The following INO80 variants were observed in gnomAD, a reference collection of about 807,000 sequenced individuals.
INO80 encodes the protein chromatin-remodeling ATPase INO80.
In INO80, 20 loss-of-function variants were observed where a neutral mutation model predicts 203.4. That is an observed-to-expected ratio of 0.10 (90% CI 0.07 to 0.14). INO80 has a LOEUF of 0.14. INO80 is among the 10% of genes least tolerant of loss of function. The probability of loss-of-function intolerance (pLI) is 1.00; values close to 1 mark genes in which losing one functional copy is unlikely to be tolerated. For synonymous variants in INO80, 726 were observed against 685.2 expected, an observed-to-expected ratio of 1.06 and a Z score of -0.93; for missense variants, 1,419 against 1,914.4, an observed-to-expected ratio of 0.74 and a Z score of 4.83.
chr15:41,001,719 T>C (rs1390928301), intron 28 of INO80, among the ~76,000 whole-genome samples: 1 of 152,234 alleles, frequency 6.6e-6, no homozygotes, highest in African/African-American at 2.4e-5. Context: ...GTCTTTAGTC[T>C]CAGTCAGACT....
intron 17 of INO80, among the ~76,000 whole-genome samples, chr15:41,056,078 A>G (rs993422659): frequency 4.0e-5 from 6 of 151,618 alleles, no homozygotes; most frequent in Middle Eastern, 3.2e-3. Flanking sequence ...TAAGTAGCTA[A>G]GACTACAGGC....
At chr15:41,054,338 T>C (rs1208377989) in intron 18 of INO80, among the ~76,000 whole-genome samples, 1 of 152,204 alleles carries the variant, frequency 6.6e-6, no homozygotes, top group Non-Finnish European at 1.5e-5. Flanking sequence ...AAAAATTACC[T>C]TCCAAAGGAT....
At chr15:40,985,735 C>A (rs2043723341) in intron 31 of INO80, among the ~76,000 whole-genome samples, 1 of 152,032 alleles carries the variant, frequency 6.6e-6, no homozygotes, top group South Asian at 2.1e-4. Flanking sequence ...CATAGTGAAA[C>A]CCCATCTCTA....
intron 16 of INO80, among the ~76,000 whole-genome samples, chr15:41,058,238 G>A (rs1022115417): frequency 1.3e-5 from 2 of 152,278 alleles, no homozygotes; most frequent in Non-Finnish European, 2.9e-5. Flanking sequence ...TGAACAGGGA[G>A]ATAAAAGTTG....
chr15:41,073,711 C>T (rs1404904884), intron 10 of INO80, among the ~76,000 whole-genome samples: 3 of 152,088 alleles, frequency 2.0e-5, no homozygotes, highest in African/African-American at 7.2e-5. Flanking sequence ...CCAAAGCAAG[C>T]TCACAAAAAA....
chr15:41,099,899 G>C (rs1335832013), intron 1 of INO80, among the ~76,000 whole-genome samples: 1 of 152,018 alleles, frequency 6.6e-6, no homozygotes, highest in Non-Finnish European at 1.5e-5. Flanking sequence ...TAAGAGAACA[G>C]CAAATAATTC....
chr15:41,074,787 T>C (rs1014782129), intron 9 of INO80, among the ~76,000 whole-genome samples: 2 of 152,214 alleles, frequency 1.3e-5, no homozygotes, highest in African/African-American at 2.4e-5. Flanking sequence ...GCTGGTCGCA[T>C]GGGCTGGAGT....
intron 24 of INO80, among the ~76,000 whole-genome samples, chr15:41,037,325 T>C (rs925302085): frequency 2.0e-5 from 3 of 151,662 alleles, no homozygotes; most frequent in African/African-American, 7.3e-5. Flanking sequence ...CTGGCTAACA[T>C]GGTGAAACCC....
At chr15:41,103,999 T>C (rs935237457) in intron 1 of INO80, among the ~76,000 whole-genome samples, 1 of 151,894 alleles carries the variant, frequency 6.6e-6, no homozygotes, top group Non-Finnish European at 1.5e-5. Context: ...GCTGATCACC[T>C]GAGGTCAGGA....
chr15:41,092,229 C>A, intron 4 of INO80, 47 bp from the exon 5 acceptor site: 1 of 1,475,348 alleles, frequency 6.8e-7, no homozygotes, highest in East Asian at 2.3e-5. Flanking sequence ...TGAAGCAATC[C>A]CATTTATAAT....
At chr15:41,049,255 C>A (rs1315080031) in intron 21 of INO80, 32 bp downstream of exon 21, 20 of 1,579,750 alleles carry the variant, frequency 1.3e-5, no homozygotes, top group Non-Finnish European at 1.7e-5. Flanking sequence ...TTATAAAACA[C>A]TAATAGTGAA....
At chr15:41,098,769 T>C (rs2045761944) in intron 1 of INO80, among the ~76,000 whole-genome samples, 1 of 152,174 alleles carries the variant, frequency 6.6e-6, no homozygotes, top group Admixed American at 6.5e-5. Flanking sequence ...ACACAGTTGT[T>C]TGTCAGTGTG....
intron 11 of INO80, among the ~76,000 whole-genome samples, chr15:41,072,926 G>C (rs146928306): frequency 1.3e-5 from 2 of 151,536 alleles, no homozygotes; most frequent in Admixed American, 1.3e-4. Context: ...GACTACAAGC[G>C]CCCTCCGCCA....
At chr15:41,008,252 C>T (rs1424955703) in intron 27 of INO80, among the ~76,000 whole-genome samples, 1 of 138,818 alleles carries the variant, frequency 7.2e-6, no homozygotes, top group South Asian at 2.4e-4. Flanking sequence ...CACACACACA[C>T]ACGAATATTA....
chr15:41,080,247 A>C (rs1228522370), intron 8 of INO80, among the ~76,000 whole-genome samples: 1 of 152,198 alleles, frequency 6.6e-6, no homozygotes, highest in Non-Finnish European at 1.5e-5. Context: ...CCACTGAAAA[A>C]TATATTAAAC....
chr15:41,085,347 T>C (rs775983310), intron 7 of INO80, 22 bp downstream of exon 7: 10 of 1,599,148 alleles, frequency 6.3e-6, no homozygotes, highest in Non-Finnish European at 8.6e-6. Flanking sequence ...CTAATTTCCA[T>C]CTCCTGGAGG....
chr15:41,096,148 G>T lies in INO80; in HGVS notation c.143+20C>A, dbSNP rs1307425020. On this transcript the variant is annotated intron_variant, in intron 2 of 35. Coordinates refer to ENST00000648947, the MANE Select transcript of INO80 (RefSeq NM_017553.3). ...AATCAGGAATTTGGTAAAACATATT[G>T]CAAAGATACAATAACATACCTAGAA... 6.3e-7 allele frequency: 1 copy of T among 1,582,506 alleles called. No individual in the cohort carries two copies. The highest frequency in any genetic ancestry group is 8.6e-7 in the Non-Finnish European group (1 of 1,168,826).
At chr15:40,991,042 C>CA (rs1254769992) in intron 29 of INO80, among the ~76,000 whole-genome samples, 1 of 152,058 alleles carries the variant, frequency 6.6e-6, no homozygotes, top group Non-Finnish European at 1.5e-5. Context: ...GAGGGAGAGC[C>CA]ATATAATGAA....
At chr15:41,069,997 C>T (rs562238025) in intron 13 of INO80, among the ~76,000 whole-genome samples, 1 of 152,080 alleles carries the variant, frequency 6.6e-6, no homozygotes, top group Non-Finnish European at 1.5e-5. Context: ...AGGTATAGAG[C>T]TTTTGCTTTT....
Sources: gnomAD v4.1 joint callset for allele counts (sites outside exome capture counted in the v4.1 genomes callset) on GRCh38, gnomAD v4.1.1 for gene constraint, MANE v1.5 for transcripts, NCBI Gene and HGNC (gene_info 2026-07-23, HGNC 2026-07-21) for gene names.